Variants in UBR4 observed in about 807,000 individuals in gnomAD.
The protein encoded by UBR4 is E3 ubiquitin-protein ligase UBR4.
In UBR4, 124 loss-of-function variants were observed where a neutral mutation model predicts 575.6. The observed-to-expected ratio is 0.22, with a 90% CI of 0.19 to 0.25. UBR4 has a LOEUF of 0.25. Among genes scored for constraint, UBR4 ranks in the 10% least tolerant of loss-of-function variants. The pLI, the probability that UBR4 is intolerant of heterozygous loss-of-function variation, is 1.00. For synonymous variants in UBR4, 2,455 were observed against 2,473.7 expected, an observed-to-expected ratio of 0.99 and a Z score of 0.22; for missense variants, 4,818 against 6,478.8, an observed-to-expected ratio of 0.74 and a Z score of 8.80.
chr1:19,137,730 T>A (rs2083356074), intron 60 of UBR4, among the ~76,000 whole-genome samples: 1 of 152,194 alleles, frequency 6.6e-6, no homozygotes, highest in Admixed American at 6.5e-5. Context: ...AAGGAAGACA[T>A]GTTTTTATGA....
chr1:19,083,537 T>C (rs1032038475), intron 102 of UBR4, among the ~76,000 whole-genome samples: 2 of 152,152 alleles, frequency 1.3e-5, no homozygotes, highest in African/African-American at 4.8e-5. Context: ...GTCAATCTCC[T>C]AATTTTTTTT....
In UBR4 at chr1:19,086,177, G is replaced by C; in HGVS notation, c.14781C>G (p.Val4927=). ...NGLLPVWGPH[V]PESAFATCLA... is the part of the protein sequence containing the mutation. ...AGCAAGTGGCAAAAGCTGATTCAGG[G>C]ACATGAGGTCCCCAGACCGGAAGGA... Residue 4927 remains valine (V), a synonymous_variant, in exon 101 of 106, where the codon GTC becomes GTG. Coordinates refer to ENST00000375254, the MANE Select transcript of UBR4 (RefSeq NM_020765.3). The C allele has an allele frequency of 1.2e-6, 2 of 1,614,068 alleles. No individual in the cohort carries two copies. Among genetic ancestry groups the C allele is most frequent in the Non-Finnish European group, 1.7e-6 (2 of 1,180,030 alleles).
chr1:19,176,792 C>T, intron 19 of UBR4, 65 bp from the exon 20 acceptor site: 2 of 1,565,396 alleles, frequency 1.3e-6, no homozygotes, highest in Non-Finnish European at 1.7e-6. Context: ...TTCACTCAGG[C>T]ATGATAATAG....
rs1334843913 is a variant in UBR4 at position 19,153,584 on chromosome 1, C to T, written c.6631-82G>A. 2 of 1,561,198 alleles carry T rather than the reference C, an allele frequency of 1.3e-6. No homozygotes were observed. The highest frequency in any genetic ancestry group is 2.2e-5 in the East Asian group (1 of 44,496). On this transcript the variant is annotated intron_variant, in intron 45 of 105. Transcript: ENST00000375254. The surrounding 1 kb of genome is among the most constrained non-coding windows in gnomAD (Gnocchi z 4.1). The stretch of plus-strand genomic sequence containing the variant: ...CACAGAAAAAGAGGCAGAGATGCAA[C>T]TGGTTTCATGGTCAGTTGAGGGGCT...
intron 87 of UBR4, among the ~76,000 whole-genome samples, chr1:19,103,188 C>T (rs962199834): frequency 5.3e-5 from 8 of 152,212 alleles, no homozygotes; most frequent in African/African-American, 1.9e-4. Flanking sequence ...AAATAACAAA[C>T]TGCAGAATCA....
chr1:19,122,686 G>T, intron 66 of UBR4, 147 bp downstream of exon 66: 2 of 878,166 alleles, frequency 2.3e-6, no homozygotes, highest in Non-Finnish European at 3.5e-6. Flanking sequence ...CCAGACAGGG[G>T]TTATGGATTT....
At chr1:19,101,218 T>C (rs1217042317) in intron 88 of UBR4, among the ~76,000 whole-genome samples, 1 of 152,182 alleles carries the variant, frequency 6.6e-6, no homozygotes, top group African/African-American at 2.4e-5. Context: ...TCTTCCACAG[T>C]ATGTTGGATT....
chr1:19,104,712 A>T (rs1358642357), intron 85 of UBR4, 46 bp from the exon 86 acceptor site: 1 of 1,588,490 alleles, frequency 6.3e-7, no homozygotes, highest in African/African-American at 1.3e-5. Context: ...ACTGCCAAGG[A>T]TACCAGTTAC....
intron 54 of UBR4, 57 bp from the exon 55 acceptor site, chr1:19,144,148 T>G: frequency 5.4e-6 from 8 of 1,490,836 alleles, no homozygotes; most frequent in Non-Finnish European, 7.5e-6. Context: ...TGAAACTCTC[T>G]ATAAAACACT....
chr1:19,076,005 G>T (rs1316887465), intron 105 of UBR4, among the ~76,000 whole-genome samples: 2 of 152,228 alleles, frequency 1.3e-5, no homozygotes, highest in African/African-American at 4.8e-5. Context: ...GATGGGGGCT[G>T]TAATGCCGCG....
At chr1:19,175,130 TTCCC>T in intron 20 of UBR4, 97 bp from the exon 21 acceptor site, 7 of 1,162,926 alleles carry the variant, frequency 6.0e-6, no homozygotes, top group Non-Finnish European at 8.5e-6. Context: ...ATAATAAGGT[TTCCC>T]AACCTTAACA....
chr1:19,106,552 C>T lies in UBR4; in HGVS notation c.12393+17G>A, dbSNP rs1377685350. The T allele has an allele frequency of 2.6e-6, 4 of 1,547,962 alleles. No homozygotes were observed. Among genetic ancestry groups the T allele is most frequent in the Admixed American group, 3.9e-5 (2 of 51,004 alleles). On this transcript the variant is annotated intron_variant, in intron 83 of 105. Coordinates refer to ENST00000375254, the MANE Select transcript of UBR4 (RefSeq NM_020765.3). ...TCAGGGGCGCAGGGGGTGAAGAGTC[C>T]AGAAGTGGCCACTCACTTGTCGCAG...
At position 19,155,086 on chromosome 1, in the gene UBR4, A is replaced by G; in HGVS notation, c.6301-11T>C. The G allele has an allele frequency of 6.2e-7, 1 of 1,613,178 alleles. No homozygotes were observed. The highest frequency in any genetic ancestry group is 8.5e-7 in the Non-Finnish European group (1 of 1,179,656). ...CTGGCTGTTACTGTCCTGCTGGCAC[A>G]AAGACACATATTTGCAGTAATTCAT... is the stretch of plus-strand genomic sequence containing the variant. On this transcript the variant is annotated splice_polypyrimidine_tract_variant and intron_variant, in intron 43 of 105. Transcript: ENST00000375254.
Position 19,084,542 on chromosome 1 carries a change from G to A in UBR4, c.14970C>T (p.Ile4990=), listed in dbSNP as rs376059858. Residue 4990 remains isoleucine (I), a synonymous_variant, in exon 102 of 106, where the codon ATC becomes ATT. Transcript: ENST00000375254. ...GGGRESNIHL[I]PYIIHTVLYV... is the part of the protein sequence containing the mutation. Reference sequence around the variant, plus strand: ...AAAGCACAGTGTGAATGATGTACGGGATCAGGTGGATGTTGCTCTCCCGGC... The same window carrying A: ...AAAGCACAGTGTGAATGATGTACGGAATCAGGTGGATGTTGCTCTCCCGGC... The A allele has an allele frequency of 5.6e-6, 9 of 1,613,926 alleles. No individual in the cohort carries two copies. Among genetic ancestry groups the A allele is most frequent in the African/African-American group, 1.3e-5 (1 of 74,926 alleles).
chr1:19,207,529 T>C (rs890028225), intron 1 of UBR4, among the ~76,000 whole-genome samples: 3 of 152,222 alleles, frequency 2.0e-5, no homozygotes, highest in Non-Finnish European at 4.4e-5. Context: ...CTTGGGAGGC[T>C]GAGGCACGAG....
chr1:19,104,370 A>G (rs2078965026), intron 86 of UBR4, 113 bp from the exon 87 acceptor site: 2 of 1,359,196 alleles, frequency 1.5e-6, no homozygotes, highest in South Asian at 2.7e-5. Context: ...ATCTTTGTGC[A>G]TGGCACAGAG....
rs548460890 is a variant in UBR4 at position 19,110,006 on chromosome 1, G to A, written c.12105+90C>T. The A allele has an allele frequency of 4.2e-5, 67 of 1,581,906 alleles. 1 individual carries two copies. Among genetic ancestry groups the A allele is most frequent in the South Asian group, 3.8e-4 (33 of 86,400 alleles). ...AGGGGAGGTGGGCTCAAGGCAAAGC[G>A]GAGACCATGAGGAGGCAGGGCACAC... is the stretch of plus-strand genomic sequence containing the variant. On this transcript the variant is annotated intron_variant, in intron 81 of 105. Transcript: ENST00000375254. This position sits in a 1 kb window ranked among gnomAD's most constrained non-coding sequence, Gnocchi z 4.5.
chr1:19,184,127 G>C lies in UBR4; in HGVS notation c.1987C>G (p.Leu663Val), dbSNP rs201359017. 40 of 1,614,044 alleles carry C rather than the reference G, an allele frequency of 2.5e-5. No individual in the cohort carries two copies. Among genetic ancestry groups the C allele is most frequent in the Non-Finnish European group, 5.9e-6 (7 of 1,180,040 alleles). Residue 663 changes from leucine to valine, a missense_variant, in exon 16 of 106, where the codon CTG (leucine) becomes GTG (valine). By Grantham distance (32) the Leu-to-Val change is conservative. Coordinates refer to ENST00000375254, the MANE Select transcript of UBR4 (RefSeq NM_020765.3). Reference sequence around the variant, plus strand: ...CGGATAAAATTGTTCCGAGAGTTCAGCATGGAAGAGGTGATGAAGTTCAAA... The same window carrying C: ...CGGATAAAATTGTTCCGAGAGTTCACCATGGAAGAGGTGATGAAGTTCAAA... The part of the protein sequence containing the change: ...NILNFITSSM[L>V]NSRNNFIRNY...
At chr1:19,098,100 C>T (rs1294444565) in intron 90 of UBR4, among the ~76,000 whole-genome samples, 1 of 152,204 alleles carries the variant, frequency 6.6e-6, no homozygotes, top group Non-Finnish European at 1.5e-5. Context: ...CACGCTAATT[C>T]AAGCAGCCTG....
Sources: allele counts gnomAD v4.1 joint callset (sites outside exome capture counted in the v4.1 genomes callset), GRCh38; gene constraint gnomAD v4.1.1; non-coding constraint Gnocchi (gnomAD v3.1); transcripts MANE v1.5; gene names NCBI Gene and HGNC (gene_info 2026-07-23, HGNC 2026-07-21).